The following PNPLA4 variants were observed in gnomAD, a reference collection of about 807,000 sequenced individuals.
PNPLA4 encodes the protein patatin-like phospholipase domain-containing protein 4.
In PNPLA4, 15 loss-of-function variants were observed where a neutral mutation model predicts 18.3. The observed-to-expected ratio is 0.82, with a 90% CI of 0.55 to 1.26. The LOEUF is 1.26. Ranked by LOEUF, PNPLA4 falls within the 50% of genes most tolerant of loss-of-function variation. The probability of loss-of-function intolerance (pLI) is 0.00; values close to 1 mark genes in which losing one functional copy is unlikely to be tolerated. For synonymous variants in PNPLA4, 88 were observed against 85.6 expected, an observed-to-expected ratio of 1.03 and a Z score of -0.16; for missense variants, 229 against 196.8, an observed-to-expected ratio of 1.16 and a Z score of -0.98.
In PNPLA4 at chrX:7,925,961, T is replaced by C; in HGVS notation, c.159A>G (p.Leu53=). 3 of 1,210,862 alleles carry C rather than the reference T, an allele frequency of 2.5e-6. No individual in the cohort carries two copies. The highest frequency in any genetic ancestry group is 3.4e-6 in the Non-Finnish European group (3 of 894,855). The change falls in exon 2 of 7, where the codon CTA becomes CTG. Residue 53 remains leucine (L), a synonymous_variant. Coordinates refer to ENST00000381042, the MANE Select transcript of PNPLA4 (RefSeq NM_004650.3). ...TTACCTCTATTTTTTCTGGTGCTGT[T>C]AGCAGAACAGAAGCAACCAACGATC... ...SAGSLVASVL[L]TAPEKIEECN...
Position 7,922,065 on chromosome X carries a change from C to A in PNPLA4, c.214G>T (p.Glu72Ter). The change falls in exon 3 of 7, where the codon GAA (glutamate) becomes TAA (stop). Residue 72 changes from glutamate (E) to a stop codon, truncating the protein, a stop_gained. Coordinates refer to ENST00000381042, the MANE Select transcript of PNPLA4 (RefSeq NM_004650.3). LOFTEE classifies it high-confidence loss of function. Reference sequence around the variant, plus strand: ...GCCCCGAAAGACTGCCTTCTGATTTCTTCGGCAAACTTGTAGGTAAATTGG... The same window carrying A: ...GCCCCGAAAGACTGCCTTCTGATTTATTCGGCAAACTTGTAGGTAAATTGG... ...CNQFTYKFAEEIRRQSFGAVT... is the reference protein window; with the variant it reads ...CNQFTYKFAE The A allele has an allele frequency of 8.3e-7, 1 of 1,206,695 alleles. No individual in the cohort carries two copies. Among genetic ancestry groups the A allele is most frequent in the South Asian group, 1.8e-5 (1 of 56,515 alleles).
chrX:7,913,296 C>T (rs1213936863), intron 4 of PNPLA4, among the ~76,000 whole-genome samples: 2 of 112,075 alleles, frequency 1.8e-5, no homozygotes, highest in Non-Finnish European at 3.8e-5. Context: ...AGAGTTAGTA[C>T]TCAACAAACA....
chrX:7,908,074 G>A (rs916852008), intron 5 of PNPLA4, among the ~76,000 whole-genome samples: 1 of 111,339 alleles, frequency 9.0e-6, no homozygotes, highest in East Asian at 2.8e-4. Context: ...TCTTCTAAGC[G>A]ATTAATAAAA....
At chrX:7,915,265 G>C (rs1924005354) in intron 4 of PNPLA4, among the ~76,000 whole-genome samples, 1 of 92,488 alleles carries the variant, frequency 1.1e-5, no homozygotes, top group African/African-American at 4.1e-5. Context: ...TTACCCGCTA[G>C]GGACATTTAG....
At chrX:7,912,634 C>T (rs1402260141) in intron 4 of PNPLA4, among the ~76,000 whole-genome samples, 2 of 111,930 alleles carry the variant, frequency 1.8e-5, no homozygotes, top group African/African-American at 3.2e-5. Context: ...ATCAATTATG[C>T]TTTATCTCCC....
rs375764285 is a variant in PNPLA4 at position 7,921,788 on chromosome X, G to A, written c.336C>T (p.His112=). Residue 112 remains histidine, a synonymous_variant, in exon 4 of 7, where the codon CAC becomes CAT. Coordinates refer to ENST00000381042, the MANE Select transcript of PNPLA4 (RefSeq NM_004650.3). ...TGGTTTTGGCGTTGGTGATGGATAC[G>A]TGCAGTCGGTTCTGGGCCAGCTCGT... The part of the protein sequence containing the change: ...SAHELAQNRL[H]VSITNAKTRE... 12 of 1,204,739 alleles carry A rather than the reference G, an allele frequency of 1.0e-5. No homozygotes were observed. The African/African-American group carries it at 1.6e-4, about 16-fold the overall frequency.
rs1190822650 is a variant in PNPLA4 at position 7,898,401 on chromosome X, G to A, written c.*2285C>T. ...CTCCTTTCAGATTTTCTATATGCCA[G>A]TTCTACAATGCCTCAAAATTTTGAT... On this transcript the variant is annotated 3_prime_UTR_variant, in exon 7 of 7. Coordinates refer to ENST00000381042, the MANE Select transcript of PNPLA4 (RefSeq NM_004650.3). The A allele has an allele frequency of 1.8e-5, 2 of 111,691 alleles. No individual in the cohort carries two copies. The highest frequency in any genetic ancestry group is 3.3e-5 in the African/African-American group (1 of 30,710). The allele number at this position is 111,691 out of a possible 1,213,427, so 9.2% of individuals were successfully genotyped here. A position where few individuals can be genotyped will look rare whatever the true frequency, so the allele number is the denominator to read the frequency against.
intron 2 of PNPLA4, among the ~76,000 whole-genome samples, chrX:7,922,875 A>G (rs2146768287): frequency 8.9e-6 from 1 of 112,252 alleles, no homozygotes; most frequent in Admixed American, 9.4e-5. Context: ...GGAGAGGACA[A>G]GATACAAAGA....
intron 2 of PNPLA4, among the ~76,000 whole-genome samples, chrX:7,923,438 A>C (rs1329062795): frequency 8.9e-6 from 1 of 112,236 alleles, no homozygotes; most frequent in Non-Finnish European, 1.9e-5. Context: ...GAGAGTGAGC[A>C]TGGACATTTT....
intron 5 of PNPLA4, among the ~76,000 whole-genome samples, chrX:7,909,836 T>C (rs1923820261): frequency 9.0e-6 from 1 of 111,225 alleles, no homozygotes; most frequent in Non-Finnish European, 1.9e-5. Flanking sequence ...TGCCCAACAA[T>C]GAAATAAATG....
At position 7,922,074 on chromosome X, in the gene PNPLA4, A is replaced by T. The variant is rs1463830375; in HGVS notation, c.205T>A (p.Phe69Ile). Residue 69 changes from phenylalanine to isoleucine, a missense_variant, in exon 3 of 7, where the codon TTT becomes ATT. By Grantham distance (21) the Phe-to-Ile change is conservative (BLOSUM62 0). Transcript: ENST00000381042. ...GACTGCCTTCTGATTTCTTCGGCAA[A>T]CTTGTAGGTAAATTGGTTACATTCC... is the stretch of plus-strand genomic sequence containing the variant. ...IEECNQFTYK[F>I]AEEIRRQSFG... 8.3e-7 allele frequency: 1 copy of T among 1,204,764 alleles called. No homozygotes were observed. Among genetic ancestry groups the T allele is most frequent in the South Asian group, 1.8e-5 (1 of 56,391 alleles).
rs1923467128 is a variant in PNPLA4, at chrX:7,899,708, C to T, written c.*978G>A. ...GAATGACAACCAGCTTGATAATCTC[C>T]TAAACTGGGGTGGGGTTTAGGGGAG... On this transcript the variant is annotated 3_prime_UTR_variant, in exon 7 of 7. Transcript: ENST00000381042. 1.2e-5 allele frequency: 1 copy of T among 84,187 alleles called. No homozygotes were observed. The highest frequency in any genetic ancestry group is 4.5e-5 in the African/African-American group (1 of 22,048). 6.9% of individuals were successfully genotyped at this position (84,187 alleles called of 1,213,427 possible).
At chrX:7,919,418 G>C (rs1157473926) in intron 4 of PNPLA4, among the ~76,000 whole-genome samples, 1 of 112,073 alleles carries the variant, frequency 8.9e-6, no homozygotes, top group Non-Finnish European at 1.9e-5. Flanking sequence ...ATAGGTTAAA[G>C]GGCAGATGCC....
intron 4 of PNPLA4, among the ~76,000 whole-genome samples, chrX:7,915,196 T>C (rs1924001413): frequency 9.2e-6 from 1 of 108,650 alleles, no homozygotes; most frequent in South Asian, 4.1e-4. Flanking sequence ...CCCAGTGAAA[T>C]TCACCTCGCC....
intron 4 of PNPLA4, among the ~76,000 whole-genome samples, chrX:7,913,216 T>C (rs1923932109): frequency 8.9e-6 from 1 of 111,966 alleles, no homozygotes; most frequent in Admixed American, 9.5e-5. Flanking sequence ...TGTCTCCTGT[T>C]TCCTCATTAC....
chrX:7,924,612 C>T (rs1454067412), intron 2 of PNPLA4, among the ~76,000 whole-genome samples: 1 of 111,799 alleles, frequency 8.9e-6, no homozygotes, highest in Non-Finnish European at 1.9e-5. Flanking sequence ...AACCCAGTCT[C>T]TCATTTAGTG....
At chrX:7,911,924 CAT>C in intron 5 of PNPLA4, 102 bp downstream of exon 5, 1 of 547,984 alleles carries the variant, frequency 1.8e-6, no homozygotes, top group South Asian at 2.9e-5. Context: ...AGGAAAAAAA[CAT>C]AAACTGATTT....
chrX:7,901,953 A>G (rs189506234), intron 6 of PNPLA4, 36 bp downstream of exon 6: 143 of 1,178,525 alleles, frequency 1.2e-4, no homozygotes, highest in Non-Finnish European at 1.6e-4. Flanking sequence ...TTAGTAGATC[A>G]GAACTCTTCA....
intron 4 of PNPLA4, among the ~76,000 whole-genome samples, chrX:7,914,526 G>T (rs1014428793): frequency 8.9e-6 from 1 of 111,957 alleles, no homozygotes; most frequent in East Asian, 2.8e-4. Flanking sequence ...GGTATGTTTC[G>T]CAAGCACAAT....
Sources: gnomAD v4.1 joint callset for allele counts (sites outside exome capture counted in the v4.1 genomes callset) on GRCh38, gnomAD v4.1.1 for gene constraint, MANE v1.5 for transcripts, NCBI Gene and HGNC (gene_info 2026-07-23, HGNC 2026-07-21) for gene names.